KCNG2: variants seen among roughly 807,000 people sequenced by gnomAD.
KCNG2 encodes the protein voltage-gated potassium channel regulatory subunit KCNG2.
Under a neutral mutation model 12.3 loss-of-function variants are expected in KCNG2, and 7 were observed. The ratio of observed to expected loss-of-function variants is 0.57; its 90% confidence interval spans 0.32 to 1.07. The LOEUF is 1.07. Ranked by LOEUF, KCNG2 falls within the 50% of genes least tolerant of loss-of-function variation. The probability of loss-of-function intolerance (pLI) is 0.04; values close to 1 mark genes in which losing one functional copy is unlikely to be tolerated. For missense variants in KCNG2, 703 were observed against 726.0 expected (o/e 0.97, Z 0.36); for synonymous variants, 414 against 351.4 (o/e 1.18, Z -1.99).
At chr18:79,821,822 C>G (rs967785121) in intron 1 of KCNG2, among the ~76,000 whole-genome samples, 1 of 152,238 alleles carries the variant, frequency 6.6e-6, no homozygotes, top group African/African-American at 2.4e-5. Flanking sequence ...GCATCTTGAT[C>G]GCCATAGCTT....
chr18:79,836,092 G>A (rs548081845), intron 1 of KCNG2, among the ~76,000 whole-genome samples: 5 of 152,316 alleles, frequency 3.3e-5, no homozygotes, highest in African/African-American at 9.6e-5. Flanking sequence ...TTGGCAGAGT[G>A]GGTTTAAAAG....
At position 79,899,580 on chromosome 18, in the gene KCNG2, AGCATCCTCAGCG is replaced by A. The variant is rs1193488457; in HGVS notation, c.1173_1184del (p.Ser392_Leu395del). Reference sequence around the variant, plus strand: ...GCCCGGGCAGGTGGTGGCGCTCAGCAGCATCCTCAGCGGCATCCTGCTCATGGCCTTCCCGGT... The same window carrying A: ...GCCCGGGCAGGTGGTGGCGCTCAGCAGCATCCTGCTCATGGCCTTCCCGGT... On this transcript the variant is annotated inframe_deletion, in exon 4 of 4. Transcript: ENST00000316249. 2 of 1,599,588 alleles carry A rather than the reference AGCATCCTCAGCG, an allele frequency of 1.3e-6. No individual in the cohort carries two copies. The highest frequency in any genetic ancestry group is 1.7e-6 in the Non-Finnish European group (2 of 1,173,072).
chr18:79,828,786 G>A (rs1978288408), intron 1 of KCNG2, among the ~76,000 whole-genome samples: 1 of 131,690 alleles, frequency 7.6e-6, no homozygotes, highest in African/African-American at 2.9e-5. Flanking sequence ...GTGTCTGTGT[G>A]TGCATGTGTC....
intron 3 of KCNG2, among the ~76,000 whole-genome samples, chr18:79,876,751 G>T (rs555394128): frequency 4.7e-4 from 72 of 152,342 alleles, no homozygotes; most frequent in African/African-American, 1.5e-3. Flanking sequence ...CTCGCTCTTG[G>T]GCACCAGCCG....
intron 3 of KCNG2, among the ~76,000 whole-genome samples, chr18:79,868,710 G>A (rs577100651): frequency 1.4e-4 from 22 of 152,268 alleles, no homozygotes; most frequent in African/African-American, 4.6e-4. Flanking sequence ...GGTGATTCCC[G>A]TGAGAAGATG....
chr18:79,861,537 C>T, intron 2 of KCNG2, among the ~76,000 whole-genome samples: 1 of 152,158 alleles, frequency 6.6e-6, no homozygotes, highest in East Asian at 1.9e-4. Flanking sequence ...CCTCGGCCTC[C>T]CAAAGTGCTG....
At position 79,822,917 on chromosome 18, in the gene KCNG2, G is replaced by A. The variant is rs181788649; in HGVS notation, c.-115+24903G>A. 1.8e-4 allele frequency among the ~76,000 whole-genome samples: 28 copies of A among 152,344 alleles called. No individual in the cohort carries two copies. The highest frequency in any genetic ancestry group is 2.8e-4 in the Non-Finnish European group (19 of 68,038). On this transcript the variant is annotated intron_variant, in intron 1 of 3. Transcript: ENST00000316249. This position sits in a 1 kb window ranked among gnomAD's most constrained non-coding sequence, Gnocchi z 4.4. ...TGGGCTTATCGTGGGCGTTGGTGTT[G>A]CGTGTGGGTGTGGCTCACTTGTGGC... is the stretch of plus-strand genomic sequence containing the variant.
chr18:79,854,675 A>C (rs887507199), intron 1 of KCNG2, among the ~76,000 whole-genome samples: 1 of 151,906 alleles, frequency 6.6e-6, no homozygotes, highest in African/African-American at 2.4e-5. Flanking sequence ...ACAGGTGCCC[A>C]CCACCACGCC....
At position 79,899,988 on chromosome 18, in the gene KCNG2, C is replaced by T; in HGVS notation, c.*172C>T. The T allele has an allele frequency of 2.0e-6, 1 of 495,956 alleles. No individual in the cohort carries two copies. The highest frequency in any genetic ancestry group is 9.2e-5 in the South Asian group (1 of 10,882). 30.7% of individuals were successfully genotyped at this position (495,956 alleles called of 1,614,324 possible). ...GAACTTGGCGGGGCCCTGCCTGACT[C>T]CCCGTGGCAGCGCTGGGCAAAGTCA... On this transcript the variant is annotated 3_prime_UTR_variant, in exon 4 of 4. Coordinates refer to ENST00000316249, the MANE Select transcript of KCNG2 (RefSeq NM_012283.2).
At chr18:79,879,757 A>G (rs759743732) in intron 3 of KCNG2, among the ~76,000 whole-genome samples, 2 of 152,162 alleles carry the variant, frequency 1.3e-5, no homozygotes, top group Non-Finnish European at 2.9e-5. Flanking sequence ...CAACCAGTGC[A>G]CGAATCCCCC....
chr18:79,876,990 A>T (rs759915475), intron 3 of KCNG2, among the ~76,000 whole-genome samples: 1 of 152,352 alleles, frequency 6.6e-6, no homozygotes, highest in Admixed American at 6.5e-5. Context: ...CAGGGTGCGC[A>T]GGAAATCGAA....
At chr18:79,853,875 GCCTCGAC>G (rs1204999936) in intron 1 of KCNG2, among the ~76,000 whole-genome samples, 1 of 152,230 alleles carries the variant, frequency 6.6e-6, no homozygotes, top group African/African-American at 2.4e-5. Context: ...AGTGGCAGGT[GCCTCGAC>G]CCTGTGGGCC....
At position 79,822,054 on chromosome 18, in the gene KCNG2, G is replaced by A. The variant is rs2087574699; in HGVS notation, c.-115+24040G>A. ...GGAAATCCCAGCACTGATATTTGGG[G>A]CTGGGATGTGAAGGCTTCAGTAAAA... On this transcript the variant is annotated intron_variant, in intron 1 of 3. Transcript: ENST00000316249. This position sits in a 1 kb window ranked among gnomAD's most constrained non-coding sequence, Gnocchi z 4.4. Among the ~76,000 whole-genome samples, 1 of 152,192 alleles carries A rather than the reference G, an allele frequency of 6.6e-6. No individual in the cohort carries two copies. The highest frequency in any genetic ancestry group is 2.1e-4 in the South Asian group (1 of 4,836).
intron 1 of KCNG2, among the ~76,000 whole-genome samples, chr18:79,845,605 T>C (rs1978596094): frequency 6.6e-6 from 1 of 152,194 alleles, no homozygotes; most frequent in African/African-American, 2.4e-5. Context: ...TTGTGTCCCA[T>C]AAATCATAAT....
intron 1 of KCNG2, among the ~76,000 whole-genome samples, chr18:79,823,439 C>A (rs1199258928): frequency 6.6e-6 from 1 of 152,166 alleles, no homozygotes; most frequent in East Asian, 1.9e-4. Flanking sequence ...GTGTCGAGCG[C>A]TGTTTGCTCA....
chr18:79,861,414 G>A (rs1302846433), intron 2 of KCNG2, among the ~76,000 whole-genome samples: 2 of 151,794 alleles, frequency 1.3e-5, no homozygotes, highest in Non-Finnish European at 2.9e-5. Context: ...GAGTAGCTGG[G>A]ATTACGGGCA....
rs2087574682 is a variant in KCNG2 at position 79,822,052 on chromosome 18, G to C, written c.-115+24038G>C. 6.6e-6 allele frequency among the ~76,000 whole-genome samples: 1 copy of C among 152,164 alleles called. No individual in the cohort carries two copies. The highest frequency in any genetic ancestry group is 2.1e-4 in the South Asian group (1 of 4,830). Reference sequence around the variant, plus strand: ...GAGGAAATCCCAGCACTGATATTTGGGGCTGGGATGTGAAGGCTTCAGTAA... The same window carrying C: ...GAGGAAATCCCAGCACTGATATTTGCGGCTGGGATGTGAAGGCTTCAGTAA... On this transcript the variant is annotated intron_variant, in intron 1 of 3. Coordinates refer to ENST00000316249, the MANE Select transcript of KCNG2 (RefSeq NM_012283.2). The surrounding 1 kb of genome is among the most constrained non-coding windows in gnomAD (Gnocchi z 4.4).
chr18:79,872,691 G>A (rs1371285822), intron 3 of KCNG2, among the ~76,000 whole-genome samples: 1 of 152,224 alleles, frequency 6.6e-6, no homozygotes, highest in Non-Finnish European at 1.5e-5. Flanking sequence ...TGTGACTGGC[G>A]CTCCCATCCA....
intron 1 of KCNG2, among the ~76,000 whole-genome samples, chr18:79,821,596 T>G (rs577185750): frequency 6.6e-6 from 1 of 152,280 alleles, no homozygotes. Context: ...GGCCTTTTAC[T>G]TGAATTGTGT....
Sources: allele counts gnomAD v4.1 joint callset (sites outside exome capture counted in the v4.1 genomes callset), GRCh38; gene constraint gnomAD v4.1.1; non-coding constraint Gnocchi (gnomAD v3.1); transcripts MANE v1.5; gene names NCBI Gene and HGNC (gene_info 2026-07-23, HGNC 2026-07-21).